The following DCX variants were observed in gnomAD, a reference collection of about 807,000 sequenced individuals.
The protein encoded by DCX is doublecortin.
Under a neutral mutation model 20.9 loss-of-function variants are expected in DCX, and 4 were observed. The ratio of observed to expected loss-of-function variants is 0.19; its 90% CI spans 0.09 to 0.44. DCX has a LOEUF of 0.44. Ranked by LOEUF, DCX falls within the 20% of genes least tolerant of loss-of-function variation. DCX has a pLI of 0.99. For synonymous variants in DCX, 103 were observed against 111.4 expected, an observed-to-expected ratio of 0.92 and a Z score of 0.47; for missense variants, 133 against 296.9, an observed-to-expected ratio of 0.45 and a Z score of 4.06.
chrX:111,356,926 T>C (rs956482901), intron 3 of DCX, among the ~76,000 whole-genome samples: 2 of 111,737 alleles, frequency 1.8e-5, no homozygotes, highest in Non-Finnish European at 3.8e-5. Flanking sequence ...TTCTACAAAA[T>C]ACACATAAAT....
intron 3 of DCX, among the ~76,000 whole-genome samples, chrX:111,394,411 T>C (rs907070739): frequency 8.9e-6 from 1 of 112,067 alleles, no homozygotes. Flanking sequence ...TTAAAATTGA[T>C]TGTGGTGATG....
intron 6 of DCX, among the ~76,000 whole-genome samples, chrX:111,305,559 T>G (rs1490150566): frequency 9.0e-6 from 1 of 110,626 alleles, no homozygotes; most frequent in East Asian, 2.8e-4. Context: ...TCCTCATTTC[T>G]TCCCTTTCTA....
intron 3 of DCX, among the ~76,000 whole-genome samples, chrX:111,395,640 T>C (rs1158648565): frequency 8.9e-6 from 1 of 112,187 alleles, no homozygotes; most frequent in African/African-American, 3.2e-5. Flanking sequence ...CTATTTCACT[T>C]CATGCTCAAG....
chrX:111,367,356 G>A (rs762562381), intron 3 of DCX, among the ~76,000 whole-genome samples: 1 of 111,932 alleles, frequency 8.9e-6, no homozygotes, highest in South Asian at 3.8e-4. Context: ...AATCTAGAGA[G>A]ATGATAAAAT....
intron 3 of DCX, among the ~76,000 whole-genome samples, chrX:111,344,373 T>C (rs2147659742): frequency 8.9e-6 from 1 of 111,864 alleles, no homozygotes; most frequent in African/African-American, 3.2e-5. Flanking sequence ...ATCATAGTAT[T>C]AGAAGTTCTG....
At chrX:111,404,175 C>T (rs990572829) in intron 2 of DCX, among the ~76,000 whole-genome samples, 8 of 109,108 alleles carry the variant, frequency 7.3e-5, no homozygotes, top group African/African-American at 1.3e-4. Flanking sequence ...GGAATAGAAG[C>T]GAGAACAAGA....
chrX:111,324,272 C>CA (rs2147619000), intron 5 of DCX, among the ~76,000 whole-genome samples: 1 of 110,950 alleles, frequency 9.0e-6, no homozygotes, highest in South Asian at 3.9e-4. Context: ...CAGAAGTATC[C>CA]ATCTCCTTAT....
At chrX:111,411,628 C>T (rs992672797) in intron 1 of DCX, 2 of 112,740 alleles carry the variant, frequency 1.8e-5, no homozygotes, top group Admixed American at 1.9e-4. Flanking sequence ...ATGCATCTCA[C>T]AGATGGGGAT....
intron 6 of DCX, among the ~76,000 whole-genome samples, chrX:111,307,052 G>T (rs1406110566): frequency 9.1e-6 from 1 of 110,344 alleles, no homozygotes; most frequent in Non-Finnish European, 1.9e-5. Context: ...TATTTTGAGG[G>T]TGATGAATAT....
At chrX:111,396,024 T>G (rs1927289758) in intron 3 of DCX, among the ~76,000 whole-genome samples, 1 of 112,857 alleles carries the variant, frequency 8.9e-6, no homozygotes, top group Admixed American at 9.4e-5. Flanking sequence ...ATCCAATCTG[T>G]CTTGCTGTGT....
At chrX:111,364,383 T>C (rs1396445180) in intron 3 of DCX, among the ~76,000 whole-genome samples, 2 of 112,033 alleles carry the variant, frequency 1.8e-5, no homozygotes, top group Non-Finnish European at 3.8e-5. Flanking sequence ...ACAAGGTAAA[T>C]GCAAAGTATA....
intron 3 of DCX, among the ~76,000 whole-genome samples, chrX:111,386,533 C>T (rs970463513): frequency 4.5e-5 from 5 of 111,097 alleles, no homozygotes; most frequent in African/African-American, 6.5e-5. Context: ...ATTGGTAAAC[C>T]GTTAGGAAAC....
chrX:111,362,758 T>G (rs2147694995), intron 3 of DCX, among the ~76,000 whole-genome samples: 1 of 110,802 alleles, frequency 9.0e-6, no homozygotes, highest in East Asian at 2.9e-4. Flanking sequence ...AGATTCCCTG[T>G]CTCTCACAAA....
rs1266189096 is a variant in DCX, at chrX:111,401,212, G to A, written c.483C>T (p.Ser161=). The A allele has an allele frequency of 8.3e-7, 1 of 1,211,631 alleles. No individual in the cohort carries two copies. Among genetic ancestry groups the A allele is most frequent in the Non-Finnish European group, 1.1e-6 (1 of 895,441 alleles). The part of the protein sequence containing the change: ...KTSANMKAPQ[S]LASSNSAQAR... The stretch of plus-strand genomic sequence containing the variant: ...CCTGTGCACTGTTGCTGCTAGCCAA[G>A]GACTGGGGGGCTTTCATATTGGCAG... The change falls in exon 3 of 7, where the codon TCC becomes TCT. Residue 161 remains serine, a synonymous_variant. Coordinates refer to ENST00000636035, the MANE Select transcript of DCX (RefSeq NM_001195553.2).
intron 3 of DCX, among the ~76,000 whole-genome samples, chrX:111,345,873 A>T (rs1488924947): frequency 8.9e-6 from 1 of 111,733 alleles, no homozygotes; most frequent in Non-Finnish European, 1.9e-5. Context: ...GCGTAAAAGC[A>T]TTCCCATTTC....
At position 111,330,877 on chromosome X, in the gene DCX, G is replaced by A. The variant is rs761353827; in HGVS notation, c.946+27C>T. 8.3e-6 allele frequency: 10 copies of A among 1,208,691 alleles called. No homozygotes were observed. In the Admixed American group the frequency reaches 8.7e-5, roughly 11 times the overall value. ...ATTGTCCTCCATAAATGAAGTCAGC[G>A]TGCACAGTTAGGAAAAGAGCACTCA... is the stretch of plus-strand genomic sequence containing the variant. On this transcript the variant is annotated intron_variant, in intron 5 of 6. Transcript: ENST00000636035.
At chrX:111,335,778 T>C (rs948885872) in intron 3 of DCX, among the ~76,000 whole-genome samples, 2 of 110,767 alleles carry the variant, frequency 1.8e-5, no homozygotes, top group Admixed American at 9.6e-5. Context: ...AAACCCCATC[T>C]TTACTAAAAT....
intron 5 of DCX, among the ~76,000 whole-genome samples, chrX:111,326,083 G>A (rs1013093057): frequency 4.5e-5 from 5 of 111,638 alleles, no homozygotes; most frequent in Non-Finnish European, 5.6e-5. Context: ...TGTATATTTT[G>A]TTAGAGAAGG....
chrX:111,304,357 A>G lies in DCX; in HGVS notation c.1045-2614T>C, dbSNP rs752009539. ...ATCAACCAAAAGCTTGCAACAATCC[A>G]AACAGTGTTGAAGAAAAACTGATGA... On this transcript the variant is annotated intron_variant, in intron 6 of 6. Transcript: ENST00000636035. 1.2e-4 allele frequency among the ~76,000 whole-genome samples: 13 copies of G among 112,488 alleles called. No individual in the cohort carries two copies. In the South Asian group the frequency reaches 4.4e-3, roughly 38 times the overall value.
Sources: allele counts gnomAD v4.1 joint callset (sites outside exome capture counted in the v4.1 genomes callset), GRCh38; gene constraint gnomAD v4.1.1; transcripts MANE v1.5; gene names NCBI Gene and HGNC (gene_info 2026-07-23, HGNC 2026-07-21).